The following RASGRF2 variants were observed in gnomAD, a reference collection of about 807,000 sequenced individuals.
The protein encoded by RASGRF2 is Ras protein specific guanine nucleotide releasing factor 2, also known as ras-specific guanine nucleotide-releasing factor 2.
In RASGRF2, 76 loss-of-function variants were observed where a neutral mutation model predicts 151.0. That is an observed-to-expected ratio of 0.50 (90% confidence interval 0.42 to 0.61). The LOEUF is 0.61. Among genes scored for constraint, RASGRF2 ranks in the 20% least tolerant of loss-of-function variants. RASGRF2 has a pLI of 0.00. For missense variants in RASGRF2, 1,148 were observed against 1,564.6 expected (o/e 0.73, Z 4.49); for synonymous variants, 504 against 566.5 (o/e 0.89, Z 1.57).
intron 18 of RASGRF2, among the ~76,000 whole-genome samples, chr5:81,186,107 A>T (rs1411712378): frequency 6.6e-6 from 1 of 152,214 alleles, no homozygotes; most frequent in Admixed American, 6.5e-5. Flanking sequence ...TCTTACATTC[A>T]TTTTATGGTG....
intron 1 of RASGRF2, among the ~76,000 whole-genome samples, chr5:80,970,163 A>G (rs774384948): frequency 6.6e-6 from 1 of 152,160 alleles, no homozygotes; most frequent in African/African-American, 2.4e-5. Context: ...CCATGAGCTA[A>G]TGTCTCATCC....
At chr5:81,131,009 C>G (rs1753602704) in intron 17 of RASGRF2, among the ~76,000 whole-genome samples, 1 of 152,132 alleles carries the variant, frequency 6.6e-6, no homozygotes, top group Non-Finnish European at 1.5e-5. Flanking sequence ...GACCCCATCT[C>G]CATCAAAATA....
intron 12 of RASGRF2, among the ~76,000 whole-genome samples, chr5:81,106,060 G>T (rs1752836928): frequency 6.6e-6 from 1 of 152,090 alleles, no homozygotes; most frequent in South Asian, 2.1e-4. Flanking sequence ...GCATCTTCTT[G>T]GTGCTCTTGA....
chr5:81,025,300 C>T (rs1749979852), intron 1 of RASGRF2, among the ~76,000 whole-genome samples: 1 of 152,242 alleles, frequency 6.6e-6, no homozygotes, highest in South Asian at 2.1e-4. Flanking sequence ...TTACTTCCCA[C>T]ATGCTCCCAG....
rs1247243779 is a variant in RASGRF2, at chr5:81,226,215, T to G, written c.*445T>G. ...TGACTGGTTCCATTACATTTCCTTT[T>G]GGTATAAGCTTCACAGAAAAGCTGA... On this transcript the variant is annotated 3_prime_UTR_variant, in exon 27 of 27. Coordinates refer to ENST00000265080, the MANE Select transcript of RASGRF2 (RefSeq NM_006909.3). 6.5e-6 allele frequency: 1 copy of G among 153,900 alleles called. No homozygotes were observed. Among genetic ancestry groups the G allele is most frequent in the Admixed American group, 6.5e-5 (1 of 15,344 alleles). The allele number at this position is 153,900 out of a possible 1,614,324, so 9.5% of individuals were successfully genotyped here. A position where few individuals can be genotyped will look rare whatever the true frequency, so the allele number is the denominator to read the frequency against.
chr5:81,091,570 C>T (rs1436220117), intron 9 of RASGRF2, among the ~76,000 whole-genome samples: 2 of 152,146 alleles, frequency 1.3e-5, no homozygotes, highest in Non-Finnish European at 2.9e-5. Context: ...GGTCTCTTGC[C>T]ACCCTGTACA....
rs534499075 is a variant in RASGRF2 at position 81,045,758 on chromosome 5, AT to A, written c.395+2780del. Among the ~76,000 whole-genome samples the A allele has an allele frequency of 2.6e-3, 397 of 152,164 alleles. 2 individuals are homozygous for A. The highest frequency in any genetic ancestry group is 3.3e-3 in the Non-Finnish European group (222 of 68,012). On this transcript the variant is annotated intron_variant, in intron 2 of 26. Transcript: ENST00000265080. ...TGTTTTGCATTGAGATATTTCTTAA[AT>A]TTTTGTTTTCTAAATCAGGGAAGAA...
At chr5:80,988,406 T>G (rs1385696908) in intron 1 of RASGRF2, among the ~76,000 whole-genome samples, 6 of 152,164 alleles carry the variant, frequency 3.9e-5, no homozygotes, top group Non-Finnish European at 8.8e-5. Flanking sequence ...ATGTCTTATT[T>G]TTCTTATAAG....
chr5:81,070,463 T>C (rs183574979), intron 3 of RASGRF2, 29 bp from the exon 4 acceptor site: 80 of 1,537,140 alleles, frequency 5.2e-5, no homozygotes, highest in Admixed American at 4.3e-4. Context: ...ATTTCCCAAA[T>C]CATGAAATGG....
chr5:81,167,323 G>A (rs748110556), intron 17 of RASGRF2, among the ~76,000 whole-genome samples: 2 of 152,170 alleles, frequency 1.3e-5, no homozygotes, highest in Non-Finnish European at 2.9e-5. Flanking sequence ...CAACCAAGAC[G>A]TAGCTATTGT....
At chr5:80,994,966 T>C (rs569954) in intron 1 of RASGRF2, among the ~76,000 whole-genome samples, 69,176 of 151,878 alleles carry the variant, frequency 0.46, 16,386 homozygotes, top group African/African-American at 0.58. Flanking sequence ...CCTCCAAAAG[T>C]TTACTTAGGG....
intron 2 of RASGRF2, among the ~76,000 whole-genome samples, chr5:81,045,864 G>A (rs1750819619): frequency 6.6e-6 from 1 of 152,150 alleles, no homozygotes; most frequent in Non-Finnish European, 1.5e-5. Context: ...TTTTGTTCAT[G>A]TATGAACAAA....
At chr5:81,140,987 C>G (rs866084035) in intron 17 of RASGRF2, among the ~76,000 whole-genome samples, 12 of 95,944 alleles carry the variant, frequency 1.3e-4, no homozygotes, top group Middle Eastern at 8.9e-3. Context: ...TGTGTTTTCT[C>G]TGGTTTTTTT....
At chr5:81,063,605 A>T (rs1314202889) in intron 2 of RASGRF2, among the ~76,000 whole-genome samples, 1 of 151,978 alleles carries the variant, frequency 6.6e-6, no homozygotes, top group Non-Finnish European at 1.5e-5. Context: ...TGGAACTCCC[A>T]CAAGACAGAT....
rs4704705 is a variant in RASGRF2, at chr5:81,167,816, G to C, written c.2687-12359G>C. Reference sequence around the variant, plus strand: ...AACAATGACGGGGTCAGGCCGACTCGGCACTCAGACACAGCAGAGCCATTC... The same window carrying C: ...AACAATGACGGGGTCAGGCCGACTCCGCACTCAGACACAGCAGAGCCATTC... On this transcript the variant is annotated intron_variant, in intron 17 of 26. Coordinates refer to ENST00000265080, the MANE Select transcript of RASGRF2 (RefSeq NM_006909.3). 2.0e-5 allele frequency among the ~76,000 whole-genome samples: 3 copies of C among 152,172 alleles called. No homozygotes were observed. In the South Asian group the frequency reaches 6.2e-4, roughly 32 times the overall value.
Position 81,086,901 on chromosome 5 carries a change from C to T in RASGRF2, c.1338C>T (p.Ile446=), listed in dbSNP as rs1365544504. The T allele has an allele frequency of 6.2e-7, 1 of 1,614,202 alleles. No individual in the cohort carries two copies. The highest frequency in any genetic ancestry group is 1.1e-5 in the South Asian group (1 of 91,082). ...AAAACCTTGCCATCGAAAGAATGAT[C>T]GTGGAGGGCTGTGACATCTTGCTGG... The part of the protein sequence containing the change: ...IRKNLAIERM[I]VEGCDILLDT... Residue 446 remains isoleucine (I), a synonymous_variant, in exon 9 of 27, where the codon ATC becomes ATT. Transcript: ENST00000265080.
chr5:81,198,009 TAAAAG>T (rs992482870), intron 18 of RASGRF2, among the ~76,000 whole-genome samples: 2 of 152,138 alleles, frequency 1.3e-5, no homozygotes, highest in African/African-American at 4.8e-5. Flanking sequence ...ATTGCCAGAA[TAAAAG>T]AAAGTACACT....
intron 2 of RASGRF2, among the ~76,000 whole-genome samples, chr5:81,050,252 C>T (rs1750969360): frequency 6.6e-6 from 1 of 152,208 alleles, no homozygotes; most frequent in African/African-American, 2.4e-5. Context: ...CCCATCGATT[C>T]TCTACAGTTA....
intron 17 of RASGRF2, among the ~76,000 whole-genome samples, chr5:81,128,320 T>C (rs1753524991): frequency 6.6e-6 from 1 of 152,218 alleles, no homozygotes; most frequent in Non-Finnish European, 1.5e-5. Context: ...AGGTAACAGA[T>C]GTTAGTTAGC....
Sources: allele counts gnomAD v4.1 joint callset (sites outside exome capture counted in the v4.1 genomes callset), GRCh38; gene constraint gnomAD v4.1.1; transcripts MANE v1.5; gene names NCBI Gene and HGNC (gene_info 2026-07-23, HGNC 2026-07-21).